Variants in CSMD1 observed in about 807,000 individuals in gnomAD.
CSMD1 encodes CUB and sushi domain-containing protein 1.
CSMD1 carries 213 observed loss-of-function variants against 417.5 expected under a neutral mutation model. The observed-to-expected ratio is 0.51, with a 90% CI of 0.46 to 0.57. The LOEUF is 0.57. CSMD1 is among the 20% of genes least tolerant of loss of function. CSMD1 has a pLI of 0.00. For missense variants in CSMD1, 6,923 were observed against 4,529.7 expected (o/e 1.53, Z -15.17); for synonymous variants, 2,862 against 1,736.8 (o/e 1.65, Z -16.11).
chr8:4,856,049 G>A (rs190094123), intron 1 of CSMD1, among the ~76,000 whole-genome samples: 1 of 152,182 alleles, frequency 6.6e-6, no homozygotes, highest in Non-Finnish European at 1.5e-5. Context: ...AAGCCCATCA[G>A]AGTAACAGCG....
intron 1 of CSMD1, among the ~76,000 whole-genome samples, chr8:4,701,981 C>T (rs1398021531): frequency 2.0e-5 from 3 of 152,136 alleles, no homozygotes; most frequent in African/African-American, 2.4e-5. Flanking sequence ...AGCTGGAAGC[C>T]ATTATCCTCA....
intron 5 of CSMD1, among the ~76,000 whole-genome samples, chr8:3,803,406 A>C (rs551938865): frequency 6.6e-6 from 1 of 152,334 alleles, no homozygotes; most frequent in South Asian, 2.1e-4. Context: ...GGAAACAGGT[A>C]GTGTAGGTAG....
At chr8:3,667,313 AAG>A (rs970117443) in intron 7 of CSMD1, among the ~76,000 whole-genome samples, 2 of 152,162 alleles carry the variant, frequency 1.3e-5, no homozygotes, top group African/African-American at 4.8e-5. Flanking sequence ...GAAAGATAAA[AAG>A]AGAGTGAAGG....
intron 7 of CSMD1, among the ~76,000 whole-genome samples, chr8:3,694,892 G>A (rs1031265370): frequency 1.3e-5 from 2 of 152,058 alleles, no homozygotes; most frequent in African/African-American, 4.8e-5. Flanking sequence ...GATTCATTCT[G>A]GGTGTGAGGG....
chr8:3,553,773 G>A (rs1799021501), intron 10 of CSMD1, among the ~76,000 whole-genome samples: 1 of 152,118 alleles, frequency 6.6e-6, no homozygotes, highest in African/African-American at 2.4e-5. Context: ...AGATGTTTAT[G>A]TTTTATTAAG....
At chr8:3,391,552 T>C (rs931840537) in intron 17 of CSMD1, among the ~76,000 whole-genome samples, 1 of 152,180 alleles carries the variant, frequency 6.6e-6, no homozygotes, top group African/African-American at 2.4e-5. Context: ...ATGGCTAGAC[T>C]GTCGCTGGAC....
chr8:4,132,962 C>G (rs1473383020), intron 3 of CSMD1, among the ~76,000 whole-genome samples: 2 of 152,122 alleles, frequency 1.3e-5, no homozygotes, highest in East Asian at 1.9e-4. Flanking sequence ...GAGATGGAGT[C>G]TCGCTCTGTT....
intron 49 of CSMD1, among the ~76,000 whole-genome samples, chr8:3,076,851 G>A (rs1813719993): frequency 6.6e-6 from 1 of 152,054 alleles, no homozygotes; most frequent in Non-Finnish European, 1.5e-5. Context: ...GTCTCATATG[G>A]GTATATGATT....
intron 3 of CSMD1, among the ~76,000 whole-genome samples, chr8:4,347,970 G>A (rs971978804): frequency 3.9e-5 from 6 of 152,068 alleles, no homozygotes; most frequent in Admixed American, 1.3e-4. Flanking sequence ...ATTTATACAC[G>A]GGAAGCACTA....
chr8:3,463,253 C>A (rs1420311201), intron 12 of CSMD1, among the ~76,000 whole-genome samples: 1 of 152,172 alleles, frequency 6.6e-6, no homozygotes, highest in Non-Finnish European at 1.5e-5. Flanking sequence ...ATTCCAAGCA[C>A]ACTCCCAATA....
rs148604630 is a variant in CSMD1 at position 4,278,239 on chromosome 8, T to C, written c.415+141714A>G. ...AGCTTGGTAAGTGTTCAGTGAAGTATAGTGATTAAAATTCAGTTTAATTTT... is the reference window on the plus strand; with the variant it reads ...AGCTTGGTAAGTGTTCAGTGAAGTACAGTGATTAAAATTCAGTTTAATTTT... On this transcript the variant is annotated intron_variant, in intron 3 of 69. Coordinates refer to ENST00000635120, the MANE Select transcript of CSMD1 (RefSeq NM_033225.6). Among the ~76,000 whole-genome samples, 376 of 152,262 alleles carry C rather than the reference T, an allele frequency of 2.5e-3. 5 individuals are homozygous for C. The South Asian group carries it at 0.035, about 14-fold the overall frequency.
chr8:3,097,072 A>G (rs1247320912), intron 46 of CSMD1, 35 bp from the exon 47 acceptor site: 4 of 1,455,334 alleles, frequency 2.7e-6, no homozygotes, highest in Non-Finnish European at 3.7e-6. Flanking sequence ...GTTTGCTTTA[A>G]TAAAATGATT....
At chr8:3,475,959 G>A (rs1031580266) in intron 11 of CSMD1, among the ~76,000 whole-genome samples, 12 of 152,300 alleles carry the variant, frequency 7.9e-5, no homozygotes, top group Middle Eastern at 3.4e-3. Flanking sequence ...TCATTTTACT[G>A]TGTAGACAAG....
At chr8:4,060,643 T>G (rs1798923800) in intron 3 of CSMD1, among the ~76,000 whole-genome samples, 1 of 152,170 alleles carries the variant, frequency 6.6e-6, no homozygotes, top group Admixed American at 6.5e-5. Context: ...GAGGAGGATC[T>G]GCAAAGGAGA....
At chr8:4,155,905 G>C (rs1308884805) in intron 3 of CSMD1, among the ~76,000 whole-genome samples, 1 of 152,158 alleles carries the variant, frequency 6.6e-6, no homozygotes, top group African/African-American at 2.4e-5. Flanking sequence ...GTAAGTGCGG[G>C]AATGAGCTTT....
At chr8:2,941,352 G>A (rs1801860670) in intron 69 of CSMD1, among the ~76,000 whole-genome samples, 1 of 152,090 alleles carries the variant, frequency 6.6e-6, no homozygotes, top group African/African-American at 2.4e-5. Flanking sequence ...TATCATGACA[G>A]TTTTTCTGTT....
chr8:3,041,116 G>C (rs541727305), intron 50 of CSMD1, among the ~76,000 whole-genome samples: 1 of 152,148 alleles, frequency 6.6e-6, no homozygotes, highest in Admixed American at 6.5e-5. Context: ...AAAAATATTA[G>C]AGAGCTCCTG....
At chr8:4,228,741 T>C (rs568154052) in intron 3 of CSMD1, among the ~76,000 whole-genome samples, 1 of 152,244 alleles carries the variant, frequency 6.6e-6, no homozygotes, top group African/African-American at 2.4e-5. Flanking sequence ...TGGAGTGCAG[T>C]GGTGGGATCT....
intron 11 of CSMD1, among the ~76,000 whole-genome samples, chr8:3,478,403 C>A (rs955652819): frequency 1.3e-5 from 2 of 152,186 alleles, no homozygotes; most frequent in Non-Finnish European, 2.9e-5. Context: ...AGTATATGGA[C>A]TGCCAGTCCT....
Sources: allele counts gnomAD v4.1 joint callset (sites outside exome capture counted in the v4.1 genomes callset), GRCh38; gene constraint gnomAD v4.1.1; transcripts MANE v1.5; gene names NCBI Gene and HGNC (gene_info 2026-07-23, HGNC 2026-07-21).